CFAP20DC: variants seen among roughly 807,000 people sequenced by gnomAD.
CFAP20DC encodes CFAP20 domain containing, also known as protein CFAP20DC.
A neutral mutation model predicts 101.7 loss-of-function variants in CFAP20DC; 84 were observed. The ratio of observed to expected loss-of-function variants is 0.83; its 90% confidence interval spans 0.69 to 0.99. The LOEUF is 0.99. Ranked by LOEUF, CFAP20DC falls within the 50% of genes least tolerant of loss-of-function variation. The pLI, the probability that CFAP20DC is intolerant of heterozygous loss-of-function variation, is 0.00. For synonymous variants in CFAP20DC, 359 were observed against 351.2 expected, an observed-to-expected ratio of 1.02 and a Z score of -0.25; for missense variants, 1,007 against 970.3, an observed-to-expected ratio of 1.04 and a Z score of -0.50.
intron 5 of CFAP20DC, among the ~76,000 whole-genome samples, chr3:58,926,904 ACTT>A (rs1195825195): frequency 1.3e-5 from 2 of 152,328 alleles, no homozygotes; most frequent in South Asian, 2.1e-4. Context: ...TCATAATTGA[ACTT>A]CTTATTCAAA....
intron 4 of CFAP20DC, among the ~76,000 whole-genome samples, chr3:59,026,227 G>A (rs889642948): frequency 1.3e-5 from 2 of 152,010 alleles, no homozygotes; most frequent in East Asian, 1.9e-4. Flanking sequence ...AATTAGCCAC[G>A]AGATGCGTTC....
At chr3:58,955,860 T>C (rs1446205298) in intron 4 of CFAP20DC, among the ~76,000 whole-genome samples, 1 of 151,234 alleles carries the variant, frequency 6.6e-6, no homozygotes, top group Non-Finnish European at 1.5e-5. Flanking sequence ...TCAGCAGCAG[T>C]AGGATAGGGC....
At chr3:59,029,082 T>C (rs762374516) in intron 4 of CFAP20DC, among the ~76,000 whole-genome samples, 1 of 152,176 alleles carries the variant, frequency 6.6e-6, no homozygotes, top group Non-Finnish European at 1.5e-5. Flanking sequence ...AGATTTCCTT[T>C]TAAATGGATC....
At chr3:59,039,479 T>G (rs912948197) in intron 4 of CFAP20DC, 78 bp downstream of exon 4, 2 of 823,676 alleles carry the variant, frequency 2.4e-6, no homozygotes, top group Admixed American at 2.8e-5. Context: ...CACTTGCAAT[T>G]AATGATTGTT....
At chr3:58,922,382 C>T (rs1336647851) in intron 5 of CFAP20DC, among the ~76,000 whole-genome samples, 4 of 152,158 alleles carry the variant, frequency 2.6e-5, no homozygotes, top group African/African-American at 9.7e-5. Context: ...TTATTTGGCC[C>T]CACCAAGTCT....
intron 4 of CFAP20DC, among the ~76,000 whole-genome samples, chr3:58,993,612 T>C (rs2093012369): frequency 6.6e-6 from 1 of 152,068 alleles, no homozygotes; most frequent in Admixed American, 6.6e-5. Context: ...CAGGCCCTAG[T>C]GTGTGTTGTT....
Position 58,882,716 on chromosome 3 carries a change from GTCTC to G in CFAP20DC, c.715+1825_715+1828del. Among the ~76,000 whole-genome samples the G allele has an allele frequency of 6.6e-6, 1 of 152,180 alleles. No individual in the cohort carries two copies. Among genetic ancestry groups the G allele is most frequent in the East Asian group, 1.9e-4 (1 of 5,178 alleles). On this transcript the variant is annotated intron_variant, in intron 7 of 16. Transcript: ENST00000482387. This position sits in a 1 kb window ranked among gnomAD's most constrained non-coding sequence, Gnocchi z 4.2. ...CTTTAATGACCATGGATTGTATACA[GTCTC>G]TCTCTGTCTAAATATAGTATATATA...
intron 14 of CFAP20DC, among the ~76,000 whole-genome samples, chr3:58,821,702 G>A (rs1051452907): frequency 1.3e-5 from 2 of 151,604 alleles, no homozygotes; most frequent in African/African-American, 4.9e-5. Flanking sequence ...TGCTGGGACT[G>A]TAAACTAGTT....
chr3:58,811,476 T>C (rs1449949046), intron 14 of CFAP20DC, among the ~76,000 whole-genome samples: 2 of 152,134 alleles, frequency 1.3e-5, no homozygotes, highest in East Asian at 1.9e-4. Flanking sequence ...ATTTAATAAA[T>C]GGTGCTGGGA....
chr3:58,943,216 C>T (rs531163776), intron 4 of CFAP20DC, among the ~76,000 whole-genome samples: 4 of 152,316 alleles, frequency 2.6e-5, no homozygotes, highest in African/African-American at 4.8e-5. Flanking sequence ...GCACAGTGCT[C>T]GAGCTCTGCT....
chr3:58,740,641 C>T (rs944282721), downstream of CFAP20DC, among the ~76,000 whole-genome samples: 1 of 152,150 alleles, frequency 6.6e-6, no homozygotes, highest in Non-Finnish European at 1.5e-5. The surrounding 1 kb of genome is among the most constrained non-coding windows in gnomAD (Gnocchi z 4.6). Context: ...TATAGCCTTA[C>T]AGCATTCTGT....
Position 58,806,250 on chromosome 3 carries a change from G to A in CFAP20DC, c.2237+145C>T, listed in dbSNP as rs570143564. On this transcript the variant is annotated intron_variant, in intron 15 of 16. Coordinates refer to ENST00000482387, the MANE Select transcript of CFAP20DC (RefSeq NM_001394063.1). ...TACCACTATTCTAAAGTCCAAAGAAGACAAGTAGATGAACTAGGACTTTGA... is the reference window on the plus strand; with the variant it reads ...TACCACTATTCTAAAGTCCAAAGAAAACAAGTAGATGAACTAGGACTTTGA... The A allele has an allele frequency of 9.6e-6, 6 of 627,314 alleles. No individual in the cohort carries two copies. In the South Asian group the frequency reaches 9.6e-5, roughly 10 times the overall value. The allele number at this position is 627,314 out of a possible 1,614,324, so 38.9% of individuals were successfully genotyped here.
At chr3:58,838,313 T>C (rs534725187) in intron 13 of CFAP20DC, among the ~76,000 whole-genome samples, 13 of 152,314 alleles carry the variant, frequency 8.5e-5, no homozygotes, top group African/African-American at 2.9e-4. Context: ...TCGTGTATTA[T>C]GTTCATGGCA....
In CFAP20DC at chr3:58,903,301, A is replaced by G. The variant is rs553855752; in HGVS notation, c.550+10407T>C. 7.2e-5 allele frequency among the ~76,000 whole-genome samples: 11 copies of G among 152,270 alleles called. 1 individual carries two copies. In the East Asian group the frequency reaches 1.7e-3, roughly 24 times the overall value. ...TTCAGCTCTTATATTTAGGTCAAGG[A>G]AACATTTTTAGTTAATTTTTGTATA... On this transcript the variant is annotated intron_variant, in intron 6 of 16. Coordinates refer to ENST00000482387, the MANE Select transcript of CFAP20DC (RefSeq NM_001394063.1).
At chr3:58,739,419 T>C (rs575215729), downstream of CFAP20DC, among the ~76,000 whole-genome samples, 1 of 152,256 alleles carries the variant, frequency 6.6e-6, no homozygotes. Context: ...TCTATTTTTT[T>C]TAGTCTCCAT....
chr3:58,745,472 G>A (rs890557451), intron 16 of CFAP20DC, among the ~76,000 whole-genome samples: 1 of 152,096 alleles, frequency 6.6e-6, no homozygotes, highest in African/African-American at 2.4e-5. Flanking sequence ...CACTGGGGGC[G>A]AATGGAAGCT....
rs954495847 is a variant in CFAP20DC at position 59,002,878 on chromosome 3, C to T, written c.278+36679G>A. 6.6e-6 allele frequency among the ~76,000 whole-genome samples: 1 copy of T among 152,148 alleles called. No homozygotes were observed. The highest frequency in any genetic ancestry group is 1.5e-5 in the Non-Finnish European group (1 of 68,026). ...CATTAAGGAGGCATTTTCATTTTCT[C>T]CTTTTACATCTAAAGAAACTGAGGC... On this transcript the variant is annotated intron_variant, in intron 4 of 16. Coordinates refer to ENST00000482387, the MANE Select transcript of CFAP20DC (RefSeq NM_001394063.1). The surrounding 1 kb of genome is among the most constrained non-coding windows in gnomAD (Gnocchi z 4.5).
At chr3:58,841,113 G>A (rs764106823) in intron 13 of CFAP20DC, among the ~76,000 whole-genome samples, 1 of 152,218 alleles carries the variant, frequency 6.6e-6, no homozygotes, top group Non-Finnish European at 1.5e-5. Flanking sequence ...TGCCAAAGGA[G>A]GGAGAACCAC....
At chr3:59,039,684 T>A (rs2094164268) in intron 3 of CFAP20DC, 55 bp from the exon 4 acceptor site, 2 of 1,101,208 alleles carry the variant, frequency 1.8e-6, no homozygotes, top group Non-Finnish European at 2.6e-6. Flanking sequence ...TATGTGCATA[T>A]AAACAAACAC....
Sources: allele counts gnomAD v4.1 joint callset (sites outside exome capture counted in the v4.1 genomes callset), GRCh38; gene constraint gnomAD v4.1.1; non-coding constraint Gnocchi (gnomAD v3.1); transcripts MANE v1.5; gene names NCBI Gene and HGNC (gene_info 2026-07-23, HGNC 2026-07-21).